Variants in CAST observed in about 807,000 individuals in gnomAD.
CAST encodes MIR583 host.
In CAST, 76 loss-of-function variants were observed where a neutral mutation model predicts 119.6. The observed-to-expected ratio is 0.64, with a 90% CI of 0.53 to 0.77. CAST has a LOEUF of 0.77. CAST is among the 30% of genes least tolerant of loss of function. The probability of loss-of-function intolerance (pLI) is 0.00; values close to 1 mark genes in which losing one functional copy is unlikely to be tolerated. For synonymous variants in CAST, 319 were observed against 331.6 expected (o/e 0.96, Z 0.41); for missense variants, 953 against 946.5 (o/e 1.01, Z -0.09).
At chr5:96,680,368 AAAAAAAAAAAAG>A (rs1306324660) in intron 2 of CAST, among the ~76,000 whole-genome samples, 17 of 140,024 alleles carry the variant, frequency 1.2e-4, no homozygotes, top group Non-Finnish European at 2.4e-4. Flanking sequence ...AAAAAAAAAA[AAAAAAAAAAAAG>A]AAGAAGAAGA....
chr5:96,619,163 C>T (rs1747536232), intron 1 of CAST, among the ~76,000 whole-genome samples: 1 of 152,122 alleles, frequency 6.6e-6, no homozygotes, highest in South Asian at 2.1e-4. Context: ...CTGTGTCTAG[C>T]TCAGGGATTG....
chr5:96,285,736 C>T, the CAST span, among the ~76,000 whole-genome samples: 2 of 152,086 alleles, frequency 1.3e-5, no homozygotes, highest in African/African-American at 4.8e-5. Context: ...AAAATGGGAG[C>T]AATCTTTTTT....
At chr5:96,252,206 G>A in the CAST span, among the ~76,000 whole-genome samples, 1 of 152,060 alleles carries the variant, frequency 6.6e-6, no homozygotes, top group South Asian at 2.1e-4. Flanking sequence ...TTTCCTAAAG[G>A]CAATGGTAAT....
the CAST span, among the ~76,000 whole-genome samples, chr5:96,484,579 T>A: frequency 0.028 from 4,204 of 152,268 alleles, 178 homozygotes; most frequent in African/African-American, 0.092. Context: ...TCTCAGTTTC[T>A]ATGAATATTC....
the CAST span, among the ~76,000 whole-genome samples, chr5:96,425,019 AG>A: frequency 3.2e-5 from 2 of 63,034 alleles, no homozygotes; most frequent in Non-Finnish European, 7.0e-5. Flanking sequence ...AAAGAAAGAA[AG>A]AAAGAAAGAA....
the CAST span, among the ~76,000 whole-genome samples, chr5:96,056,073 A>G: frequency 2.0e-5 from 3 of 152,116 alleles, no homozygotes; most frequent in Non-Finnish European, 4.4e-5. Context: ...ATAAGCACAG[A>G]GTTCCTAAAA....
intron 2 of CAST, among the ~76,000 whole-genome samples, chr5:96,680,719 T>C (rs1013359693): frequency 6.6e-6 from 1 of 152,250 alleles, no homozygotes; most frequent in Non-Finnish European, 1.5e-5. Flanking sequence ...TTCATTATTT[T>C]GTGCTCTGTT....
At chr5:96,477,774 A>T in the CAST span, among the ~76,000 whole-genome samples, 1 of 152,198 alleles carries the variant, frequency 6.6e-6, no homozygotes, top group Non-Finnish European at 1.5e-5. Context: ...TGGAACTTAT[A>T]ATCAAGGGTT....
At chr5:96,611,495 C>G (rs1747360752) in intron 1 of CAST, among the ~76,000 whole-genome samples, 1 of 152,250 alleles carries the variant, frequency 6.6e-6, no homozygotes, top group East Asian at 1.9e-4. Flanking sequence ...AGACCTCAAA[C>G]TATTAAAATA....
At chr5:96,748,265 A>C (rs1764199404) in intron 18 of CAST, among the ~76,000 whole-genome samples, 1 of 152,238 alleles carries the variant, frequency 6.6e-6, no homozygotes, top group Non-Finnish European at 1.5e-5. Context: ...TCTGAAACTG[A>C]AACATCAAGG....
At chr5:96,587,152 C>A (rs1746874043) in intron 1 of CAST, among the ~76,000 whole-genome samples, 1 of 151,932 alleles carries the variant, frequency 6.6e-6, no homozygotes, top group Non-Finnish European at 1.5e-5. Context: ...CAGAACCCCT[C>A]ATTTTCAATT....
chr5:96,100,125 C>T, the CAST span, among the ~76,000 whole-genome samples: 1 of 152,192 alleles, frequency 6.6e-6, no homozygotes, highest in African/African-American at 2.4e-5. Flanking sequence ...TGTGTGAGGG[C>T]TAGCAATGCC....
chr5:96,602,208 C>A (rs1417468825), intron 1 of CAST, among the ~76,000 whole-genome samples: 1 of 152,254 alleles, frequency 6.6e-6, no homozygotes, highest in Non-Finnish European at 1.5e-5. Flanking sequence ...AGTAATATGA[C>A]ATGACAAGTG....
At chr5:96,457,233 G>A in the CAST span, among the ~76,000 whole-genome samples, 2 of 151,864 alleles carry the variant, frequency 1.3e-5, no homozygotes, top group African/African-American at 4.8e-5. Flanking sequence ...ATTCTTCTTT[G>A]CTTCAGACCC....
At position 96,556,424 on chromosome 5, in the gene CAST, G is replaced by A. The variant is rs538067713; in HGVS notation, c.60+26544G>A. On this transcript the variant is annotated intron_variant, in intron 1 of 11. Coordinates refer to the CAST transcript ENST00000505143. ...ATCAAACTACTCAGAGCTAAAGGAG[G>A]AAGTGCGAACCCATGGCAAAGAAGT... 2.6e-5 allele frequency among the ~76,000 whole-genome samples: 4 copies of A among 152,296 alleles called. No individual in the cohort carries two copies. The South Asian group carries it at 8.3e-4, about 32-fold the overall frequency.
the CAST span, among the ~76,000 whole-genome samples, chr5:96,402,194 G>A: frequency 3.2e-4 from 48 of 152,220 alleles, no homozygotes; most frequent in Admixed American, 7.8e-4. Context: ...TGAAGAGTCC[G>A]GCTCCTAGTT....
Position 96,641,040 on chromosome 5 carries a change from A to G in CAST, c.61-34499A>G, listed in dbSNP as rs890794001. 7.9e-5 allele frequency among the ~76,000 whole-genome samples: 12 copies of G among 152,248 alleles called. 1 individual carries two copies. Among genetic ancestry groups the G allele is most frequent in the African/African-American group, 2.7e-4 (11 of 41,456 alleles). On this transcript the variant is annotated intron_variant, in intron 1 of 11. Transcript: ENST00000505143. ...CAAAAGCATACTGTCAAATTTCTAC[A>G]TAACAGAATATTAGGTTTGAAAATA...
the CAST span, among the ~76,000 whole-genome samples, chr5:96,198,367 A>G: frequency 2.0e-5 from 3 of 152,182 alleles, no homozygotes; most frequent in South Asian, 6.2e-4. Flanking sequence ...TTTGTCAGTG[A>G]ATTTCTGACT....
chr5:96,183,761 T>C, the CAST span, among the ~76,000 whole-genome samples: 3 of 152,210 alleles, frequency 2.0e-5, no homozygotes, highest in African/African-American at 7.2e-5. Flanking sequence ...ATGGGACATA[T>C]TGAATAATTG....
Sources: gnomAD v4.1 joint callset for allele counts (sites outside exome capture counted in the v4.1 genomes callset) on GRCh38, gnomAD v4.1.1 for gene constraint, MANE v1.5 for transcripts, NCBI Gene and HGNC (gene_info 2026-07-23, HGNC 2026-07-21) for gene names.